Variants in DIAPH2 observed in about 807,000 individuals in gnomAD.
The protein encoded by DIAPH2 is protein diaphanous homolog 2.
In DIAPH2, 35 loss-of-function variants were observed where a neutral mutation model predicts 92.7. That is an observed-to-expected ratio of 0.38 (90% CI 0.29 to 0.50). The LOEUF (loss-of-function observed/expected upper bound fraction) is 0.50. Among genes scored for constraint, DIAPH2 ranks in the 20% least tolerant of loss-of-function variants. The pLI is 0.94. For synonymous variants in DIAPH2, 301 were observed against 280.4 expected, an observed-to-expected ratio of 1.07 and a Z score of -0.73; for missense variants, 701 against 819.5, an observed-to-expected ratio of 0.86 and a Z score of 1.77.
chrX:96,699,955 T>TTCCA (rs766800517), intron 1 of DIAPH2, among the ~76,000 whole-genome samples: 67 of 112,375 alleles, frequency 6.0e-4, no homozygotes, highest in African/African-American at 2.1e-3. Flanking sequence ...TCTTTGATAC[T>TTCCA]TCAACAACTT....
At chrX:96,775,441 T>C (rs1048832357) in intron 4 of DIAPH2, among the ~76,000 whole-genome samples, 1 of 108,283 alleles carries the variant, frequency 9.2e-6, no homozygotes, top group Non-Finnish European at 1.9e-5. Context: ...GTGATTGTTA[T>C]TTTTTTGTTA....
At chrX:97,260,076 C>T (rs756691603) in intron 23 of DIAPH2, among the ~76,000 whole-genome samples, 3 of 112,532 alleles carry the variant, frequency 2.7e-5, no homozygotes, top group East Asian at 2.8e-4. Context: ...GTGATCCACC[C>T]GCCTTGGCCT....
intron 20 of DIAPH2, among the ~76,000 whole-genome samples, chrX:97,105,175 CTG>C (rs1273499976): frequency 9.0e-6 from 1 of 111,432 alleles, no homozygotes; most frequent in Non-Finnish European, 1.9e-5. Flanking sequence ...ATTGACAAAA[CTG>C]GGGGAAATTG....
chrX:97,008,386 CACAT>C (rs2066199495), intron 17 of DIAPH2, among the ~76,000 whole-genome samples: 1 of 111,148 alleles, frequency 9.0e-6, no homozygotes, highest in Non-Finnish European at 1.9e-5. Context: ...TCTGAAAGGT[CACAT>C]ACATATTTTC....
chrX:96,745,451 C>G (rs2064144695), intron 3 of DIAPH2, among the ~76,000 whole-genome samples: 1 of 112,112 alleles, frequency 8.9e-6, no homozygotes, highest in African/African-American at 3.2e-5. Context: ...TGGTTAAAAA[C>G]TTAACAAAAG....
At chrX:97,543,553 G>A (rs916973541) in intron 26 of DIAPH2, among the ~76,000 whole-genome samples, 5 of 109,889 alleles carry the variant, frequency 4.6e-5, no homozygotes, top group African/African-American at 1.7e-4. Flanking sequence ...ACCCTGGGCT[G>A]GAGTGCAGTG....
intron 23 of DIAPH2, among the ~76,000 whole-genome samples, chrX:97,277,379 C>A (rs1018649695): frequency 9.0e-6 from 1 of 111,413 alleles, no homozygotes; most frequent in Non-Finnish European, 1.9e-5. Flanking sequence ...GACACTGCAA[C>A]GGGGTGCCTT....
chrX:96,829,008 C>T (rs771765617), intron 4 of DIAPH2, among the ~76,000 whole-genome samples: 12 of 111,899 alleles, frequency 1.1e-4, no homozygotes, highest in East Asian at 8.4e-4. Flanking sequence ...GCATGCTTTC[C>T]GATTATAAAA....
intron 17 of DIAPH2, 119 bp downstream of exon 17, chrX:96,965,326 C>A: frequency 2.8e-6 from 1 of 358,003 alleles, no homozygotes; most frequent in Non-Finnish European, 4.5e-6. Context: ...CAGGGTGAAA[C>A]ATAAATAGAT....
At chrX:97,327,380 T>C (rs2068960784) in intron 23 of DIAPH2, among the ~76,000 whole-genome samples, 3 of 110,111 alleles carry the variant, frequency 2.7e-5, no homozygotes, top group African/African-American at 9.9e-5. Context: ...ATTACAGGCA[T>C]GAGCTACCGC....
chrX:96,784,080 C>T (rs757856462), intron 4 of DIAPH2, among the ~76,000 whole-genome samples: 3 of 111,997 alleles, frequency 2.7e-5, no homozygotes, highest in South Asian at 3.7e-4. Context: ...CATTCTTTTC[C>T]GATCTTTAGG....
intron 15 of DIAPH2, among the ~76,000 whole-genome samples, chrX:96,949,321 A>G (rs2065757933): frequency 1.8e-5 from 2 of 111,268 alleles, no homozygotes; most frequent in Admixed American, 9.6e-5. Context: ...TGATGATTTG[A>G]AAAATTGGGT....
chrX:97,213,188 C>T (rs2067855287), intron 22 of DIAPH2, among the ~76,000 whole-genome samples: 1 of 111,357 alleles, frequency 9.0e-6, no homozygotes, highest in Admixed American at 9.6e-5. Flanking sequence ...ACAAGGCAAC[C>T]TGAGACTAAT....
intron 26 of DIAPH2, among the ~76,000 whole-genome samples, chrX:97,516,401 TA>T (rs973247421): frequency 8.9e-6 from 1 of 112,042 alleles, no homozygotes; most frequent in South Asian, 3.7e-4. Flanking sequence ...TCAAGACTTA[TA>T]AAAAATAAAA....
chrX:96,738,231 C>CT (rs759301559), intron 2 of DIAPH2, among the ~76,000 whole-genome samples: 1 of 111,785 alleles, frequency 8.9e-6, no homozygotes, highest in South Asian at 3.8e-4. Context: ...GTTTCTTTCT[C>CT]TTTTTTCATA....
chrX:97,329,923 C>G (rs1284659337), intron 23 of DIAPH2, among the ~76,000 whole-genome samples: 8 of 106,030 alleles, frequency 7.5e-5, no homozygotes, highest in Non-Finnish European at 1.6e-4. Context: ...CACACACACA[C>G]ACACACACAC....
chrX:96,868,214 T>A (rs967605692), intron 4 of DIAPH2, among the ~76,000 whole-genome samples: 2 of 112,204 alleles, frequency 1.8e-5, no homozygotes, highest in African/African-American at 6.5e-5. Flanking sequence ...GGCCATCTCA[T>A]TAGCCAGAGG....
chrX:96,940,933 C>T (rs1436815086), intron 12 of DIAPH2, among the ~76,000 whole-genome samples: 1 of 111,174 alleles, frequency 9.0e-6, no homozygotes, highest in East Asian at 2.8e-4. Context: ...GTGTGACAAG[C>T]ATTTTATTCC....
intron 26 of DIAPH2, 147 bp downstream of exon 26, chrX:97,429,892 A>C: frequency 3.9e-6 from 2 of 511,888 alleles, no homozygotes; most frequent in Non-Finnish European, 6.0e-6. Context: ...GTGAAATCTC[A>C]GCAGGCATCT....
Sources: gnomAD v4.1 joint callset for allele counts (sites outside exome capture counted in the v4.1 genomes callset) on GRCh38, gnomAD v4.1.1 for gene constraint, MANE v1.5 for transcripts, NCBI Gene and HGNC (gene_info 2026-07-23, HGNC 2026-07-21) for gene names.